Variants in STX3 observed in about 807,000 individuals in gnomAD.
The protein encoded by STX3 is syntaxin-3.
In STX3, 19 loss-of-function variants were observed where a neutral mutation model predicts 40.2. The ratio of observed to expected loss-of-function variants is 0.47; its 90% CI spans 0.33 to 0.69. The LOEUF (loss-of-function observed/expected upper bound fraction) is 0.69, where lower values mean the gene tolerates loss of function less well. Ranked by LOEUF, STX3 falls within the 30% of genes least tolerant of loss-of-function variation. STX3 has a pLI of 0.02. For synonymous variants in STX3, 122 were observed against 132.2 expected, an observed-to-expected ratio of 0.92 and a Z score of 0.53; for missense variants, 364 against 366.7, an observed-to-expected ratio of 0.99 and a Z score of 0.06.
rs551856768 is a variant in STX3 at position 59,771,045 on chromosome 11, T to A, written c.31-2166T>A. Among the ~76,000 whole-genome samples the A allele has an allele frequency of 3.6e-4, 55 of 152,260 alleles. 1 individual carries two copies. The highest frequency in any genetic ancestry group is 3.4e-3 in the Middle Eastern group (1 of 294). Reference sequence around the variant, plus strand: ...ATTCCTCAGGGAGCCTGGGTCACGGTTGATCGACTCCCCCAAATCATGTGG... The same window carrying A: ...ATTCCTCAGGGAGCCTGGGTCACGGATGATCGACTCCCCCAAATCATGTGG... On this transcript the variant is annotated intron_variant, in intron 1 of 10. Transcript: ENST00000337979.
At chr11:59,794,882 T>C (rs1405789448) in intron 8 of STX3, among the ~76,000 whole-genome samples, 1 of 152,216 alleles carries the variant, frequency 6.6e-6, no homozygotes, top group Non-Finnish European at 1.5e-5. Context: ...CAGATAGTTA[T>C]TGAGCACCTA....
intron 1 of STX3, 110 bp downstream of exon 1, chr11:59,755,745 C>T: frequency 7.3e-7 from 1 of 1,368,272 alleles, no homozygotes; most frequent in East Asian, 2.9e-5. Context: ...GGAGGCTTGC[C>T]CTCCCCAAGC....
chr11:59,796,096 C>CTT (rs1192826787), intron 9 of STX3, among the ~76,000 whole-genome samples: 2 of 152,336 alleles, frequency 1.3e-5, no homozygotes, highest in Non-Finnish European at 1.5e-5. Context: ...CCTCCCTTCT[C>CTT]TTTTTCTCTA....
intron 1 of STX3, among the ~76,000 whole-genome samples, chr11:59,764,366 A>G (rs1296161521): frequency 2.0e-5 from 3 of 152,228 alleles, no homozygotes; most frequent in Non-Finnish European, 4.4e-5. Flanking sequence ...AATCCTTGCA[A>G]CAATTCTATG....
chr11:59,781,085 C>CTTTTTT (rs67745750), intron 2 of STX3, among the ~76,000 whole-genome samples: 1 of 116,080 alleles, frequency 8.6e-6, no homozygotes, highest in Non-Finnish European at 1.8e-5. Flanking sequence ...CATTTGTTTT[C>CTTTTTT]TTTTTTTTTT....
intron 2 of STX3, chr11:59,781,219 A>G (rs947281080): frequency 1.1e-4 from 94 of 850,042 alleles, no homozygotes; most frequent in Non-Finnish European, 1.5e-4. Context: ...ACAGTAATGA[A>G]AAAAAAAAGA....
At chr11:59,778,033 G>A (rs1864089138) in intron 2 of STX3, among the ~76,000 whole-genome samples, 3 of 152,248 alleles carry the variant, frequency 2.0e-5, no homozygotes, top group Admixed American at 6.5e-5. Context: ...TCTTTCTGTG[G>A]CTTGGGCTTC....
rs532228527 is a variant in STX3 at position 59,798,561 on chromosome 11, C to T, written c.*30+1165C>T. Among the ~76,000 whole-genome samples, 16 of 150,712 alleles carry T rather than the reference C, an allele frequency of 1.1e-4. No individual in the cohort carries two copies. In the South Asian group the frequency reaches 3.4e-3, roughly 32 times the overall value. ...TTTGTTTGTTTCTCATTCTTGTCCC[C>T]CAGGCTGGAGTGCAGTGGCGCGATC... On this transcript the variant is annotated intron_variant, in intron 10 of 10. Coordinates refer to ENST00000337979, the MANE Select transcript of STX3 (RefSeq NM_004177.5).
In STX3 at chr11:59,795,581, A is replaced by C. The variant is rs1170623497; in HGVS notation, c.786+99A>C. On this transcript the variant is annotated intron_variant, in intron 9 of 10. Coordinates refer to ENST00000337979, the MANE Select transcript of STX3 (RefSeq NM_004177.5). ...CCCTGTCTCTGTTTCTGCTGCCACC[A>C]CCTCTTGCATCTGGGGAAAGGGATC... 3 of 1,544,948 alleles carry C rather than the reference A, an allele frequency of 1.9e-6. No individual in the cohort carries two copies. The South Asian group carries it at 3.6e-5, about 18-fold the overall frequency.
chr11:59,781,100 T>TTTTTTTTTTTTTTTATATA (rs963410109), intron 2 of STX3, among the ~76,000 whole-genome samples: 23 of 146,348 alleles, frequency 1.6e-4, no homozygotes, highest in African/African-American at 5.4e-4. Context: ...TTTTTTTTTT[T>TTTTTTTTTTTTTTTATATA]TATATTAGCA....
chr11:59,785,632 C>G (rs554098741), intron 2 of STX3, among the ~76,000 whole-genome samples: 16 of 152,210 alleles, frequency 1.1e-4, no homozygotes, highest in African/African-American at 3.9e-4. Context: ...TGCCTGGCCT[C>G]TCCTATTTTC....
rs1179615914 is a variant in STX3, at chr11:59,804,474, A to T, written c.*3650A>T. 2 of 152,122 alleles carry T rather than the reference A, an allele frequency of 1.3e-5. No individual in the cohort carries two copies. Among genetic ancestry groups the T allele is most frequent in the South Asian group, 2.1e-4 (1 of 4,824 alleles). The allele number at this position is 152,122 out of a possible 1,614,324, so 9.4% of individuals were successfully genotyped here. A position where few individuals can be genotyped will look rare whatever the true frequency, so the allele number is the denominator to read the frequency against. The stretch of plus-strand genomic sequence containing the variant: ...AGTCATGGACAAATCCTTGGGTTTG[A>T]CTCCTAAACTCTTTAAGGTACCAAT... On this transcript the variant is annotated 3_prime_UTR_variant, in exon 11 of 11. Coordinates refer to ENST00000337979, the MANE Select transcript of STX3 (RefSeq NM_004177.5).
At chr11:59,758,683 A>G (rs542658242) in intron 1 of STX3, among the ~76,000 whole-genome samples, 1 of 152,308 alleles carries the variant, frequency 6.6e-6, no homozygotes, top group Non-Finnish European at 1.5e-5. Context: ...GTGACACAGG[A>G]CAGGCTTGCC....
chr11:59,763,216 A>G (rs923762750), intron 1 of STX3, among the ~76,000 whole-genome samples: 2 of 152,186 alleles, frequency 1.3e-5, no homozygotes, highest in Non-Finnish European at 2.9e-5. Context: ...TCTCTGAGTT[A>G]ATGAAGGAGT....
At chr11:59,754,579 C>T (rs576692047), upstream of STX3, 39 of 152,568 alleles carry the variant, frequency 2.6e-4, no homozygotes, top group East Asian at 2.9e-3. Flanking sequence ...GCCTGGGAAC[C>T]ACCTGCACAC....
rs966373205 is a variant in STX3, at chr11:59,755,386, C to A, written c.-220C>A. On this transcript the variant is annotated 5_prime_UTR_variant, in exon 1 of 11. Coordinates refer to ENST00000337979, the MANE Select transcript of STX3 (RefSeq NM_004177.5). ...GCCGGCCCGGGAGCCGGATTTGGAG[C>A]GCGAGGCGCCGGTGGGGGCGGAGGG... 6 of 371,274 alleles carry A rather than the reference C, an allele frequency of 1.6e-5. No homozygotes were observed. Among genetic ancestry groups the A allele is most frequent in the Non-Finnish European group, 2.8e-5 (6 of 217,184 alleles). 23.0% of individuals were successfully genotyped at this position (371,274 alleles called of 1,614,324 possible). A position where few individuals can be genotyped will look rare whatever the true frequency, so the allele number is the denominator to read the frequency against.
chr11:59,770,802 C>T (rs1346000760), intron 1 of STX3, among the ~76,000 whole-genome samples: 1 of 152,050 alleles, frequency 6.6e-6, no homozygotes, highest in Non-Finnish European at 1.5e-5. Context: ...AGTGACAAAA[C>T]TCAAGTCTGG....
intron 1 of STX3, among the ~76,000 whole-genome samples, chr11:59,763,743 C>T (rs1275052309): frequency 2.6e-5 from 4 of 152,134 alleles, no homozygotes; most frequent in Non-Finnish European, 4.4e-5. Context: ...ATCGGCCGGG[C>T]GCGGTGGCTC....
At chr11:59,760,903 C>CT (rs762878428) in intron 1 of STX3, among the ~76,000 whole-genome samples, 5 of 152,210 alleles carry the variant, frequency 3.3e-5, no homozygotes, top group Non-Finnish European at 7.3e-5. Flanking sequence ...TGATAGTCCT[C>CT]TGGAGCCCCA....
Sources: allele counts gnomAD v4.1 joint callset (sites outside exome capture counted in the v4.1 genomes callset), GRCh38; gene constraint gnomAD v4.1.1; transcripts MANE v1.5; gene names NCBI Gene and HGNC (gene_info 2026-07-23, HGNC 2026-07-21).